PCLO: variants seen among roughly 807,000 people sequenced by gnomAD.
PCLO encodes protein piccolo.
Under a neutral mutation model 427.5 loss-of-function variants are expected in PCLO, and 82 were observed. The observed-to-expected ratio is 0.19, with a 90% confidence interval of 0.16 to 0.23. The LOEUF (loss-of-function observed/expected upper bound fraction) is 0.23, where lower values mean the gene tolerates loss of function less well. Ranked by LOEUF, PCLO falls within the 10% of genes least tolerant of loss-of-function variation. The pLI is 1.00. For synonymous variants in PCLO, 2,357 were observed against 2,155.4 expected, an observed-to-expected ratio of 1.09 and a Z score of -2.59; for missense variants, 6,239 against 6,115.9, an observed-to-expected ratio of 1.02 and a Z score of -0.67.
intron 3 of PCLO, among the ~76,000 whole-genome samples, chr7:83,035,887 A>C (rs573067745): frequency 6.6e-6 from 1 of 152,154 alleles, no homozygotes; most frequent in Non-Finnish European, 1.5e-5. Context: ...CCCCGTTTTT[A>C]TTACACTACA....
chr7:82,812,966 T>C (rs1394739448), intron 20 of PCLO, among the ~76,000 whole-genome samples: 1 of 151,560 alleles, frequency 6.6e-6, no homozygotes, highest in South Asian at 2.1e-4. Context: ...CAGGTTTGTT[T>C]GAGTAAAAAG....
chr7:82,974,868 T>A (rs1463354300), intron 3 of PCLO, among the ~76,000 whole-genome samples: 2 of 152,038 alleles, frequency 1.3e-5, no homozygotes, highest in Admixed American at 1.3e-4. Flanking sequence ...AAGCTCCATC[T>A]CACGGGTTCA....
chr7:83,118,310 C>G (rs972531274), intron 3 of PCLO, among the ~76,000 whole-genome samples: 1 of 152,072 alleles, frequency 6.6e-6, no homozygotes, highest in Non-Finnish European at 1.5e-5. Context: ...AAGAACCCTC[C>G]GGCGATCATC....
At chr7:82,986,628 T>C (rs1373555284) in intron 3 of PCLO, among the ~76,000 whole-genome samples, 1 of 152,120 alleles carries the variant, frequency 6.6e-6, no homozygotes, top group Admixed American at 6.6e-5. Flanking sequence ...CACAAGATGC[T>C]GAATAAATTC....
intron 10 of PCLO, 73 bp from the exon 11 acceptor site, chr7:82,847,320 A>G: frequency 1.3e-6 from 1 of 778,138 alleles, no homozygotes; most frequent in South Asian, 1.6e-5. Context: ...CATTGAAGAC[A>G]TTTATTTGCA....
At chr7:83,094,796 T>G (rs1790490980) in intron 3 of PCLO, among the ~76,000 whole-genome samples, 1 of 152,188 alleles carries the variant, frequency 6.6e-6, no homozygotes, top group Non-Finnish European at 1.5e-5. Context: ...CATGTTTAGT[T>G]TTTTTAAGAA....
chr7:82,938,744 T>G (rs1795013271), intron 6 of PCLO, among the ~76,000 whole-genome samples: 1 of 152,046 alleles, frequency 6.6e-6, no homozygotes, highest in Non-Finnish European at 1.5e-5. Context: ...AACTTTTATA[T>G]GGTGCTGTTG....
intron 3 of PCLO, among the ~76,000 whole-genome samples, chr7:83,036,575 A>G (rs966896067): frequency 6.6e-6 from 1 of 152,060 alleles, no homozygotes; most frequent in East Asian, 1.9e-4. Flanking sequence ...AATATAACCT[A>G]TAGATGCAAA....
chr7:83,025,787 G>A (rs1788478747), intron 3 of PCLO, among the ~76,000 whole-genome samples: 3 of 152,058 alleles, frequency 2.0e-5, no homozygotes, highest in African/African-American at 7.2e-5. Flanking sequence ...AGAAGAGAGT[G>A]GGGGCCAATA....
rs1230006759 is a variant in PCLO, at chr7:83,114,513, G to A, written c.3300+19737C>T. Among the ~76,000 whole-genome samples the A allele has an allele frequency of 2.0e-5, 3 of 152,014 alleles. No individual in the cohort carries two copies. The South Asian group carries it at 6.2e-4, about 32-fold the overall frequency. The stretch of plus-strand genomic sequence containing the variant: ...AAGATTCAATAGAACATGATAAATA[G>A]GGAGACTGCACAAATCATCAGACAT... On this transcript the variant is annotated intron_variant, in intron 3 of 24. Transcript: ENST00000333891.
intron 3 of PCLO, among the ~76,000 whole-genome samples, chr7:83,049,928 T>C (rs1054351836): frequency 7.9e-5 from 12 of 151,976 alleles, no homozygotes; most frequent in African/African-American, 2.9e-4. Flanking sequence ...TTATTATGAA[T>C]AAATGGTACA....
intron 6 of PCLO, among the ~76,000 whole-genome samples, chr7:82,941,651 T>C (rs939107345): frequency 6.6e-6 from 1 of 152,226 alleles, no homozygotes; most frequent in African/African-American, 2.4e-5. Context: ...TTTTAATGTA[T>C]ATATGTATAT....
chr7:83,159,084 C>T (rs1377470239), intron 1 of PCLO, among the ~76,000 whole-genome samples: 3 of 152,010 alleles, frequency 2.0e-5, no homozygotes, highest in African/African-American at 2.4e-5. Flanking sequence ...CCAAGTCTGG[C>T]AACTAGTAGA....
intron 3 of PCLO, among the ~76,000 whole-genome samples, chr7:83,096,962 AT>A (rs1790581813): frequency 3.6e-5 from 1 of 27,892 alleles, no homozygotes; most frequent in African/African-American, 2.4e-4. Flanking sequence ...AAATAATATA[AT>A]ATAATATATT....
intron 1 of PCLO, among the ~76,000 whole-genome samples, chr7:83,160,474 TTTA>T (rs1792406735): frequency 6.6e-6 from 1 of 152,102 alleles, no homozygotes; most frequent in African/African-American, 2.4e-5. Context: ...GAAAATAACT[TTTA>T]AAAAGTTATG....
chr7:83,024,891 G>A (rs898850235), intron 3 of PCLO, among the ~76,000 whole-genome samples: 1 of 152,074 alleles, frequency 6.6e-6, no homozygotes, highest in Non-Finnish European at 1.5e-5. Context: ...GCAGCTGAGG[G>A]TCCTGTCTGT....
At chr7:82,829,379 G>C (rs1341363480) in intron 16 of PCLO, among the ~76,000 whole-genome samples, 1 of 152,092 alleles carries the variant, frequency 6.6e-6, no homozygotes, top group Admixed American at 6.6e-5. Context: ...TTGAGTATTA[G>C]GATTTTTGAA....
At chr7:82,820,991 C>T in intron 20 of PCLO, 1 of 1,225,520 alleles carries the variant, frequency 8.2e-7, no homozygotes, top group Non-Finnish European at 1.0e-6. Flanking sequence ...GCCATGCCCA[C>T]AAAAGCACAT....
intron 13 of PCLO, among the ~76,000 whole-genome samples, chr7:82,841,887 A>C (rs763655794): frequency 4.6e-5 from 7 of 152,142 alleles, no homozygotes; most frequent in Non-Finnish European, 8.8e-5. Flanking sequence ...GTTTAATACA[A>C]GAACTGCCGA....
Sources: gnomAD v4.1 joint callset for allele counts (sites outside exome capture counted in the v4.1 genomes callset) on GRCh38, gnomAD v4.1.1 for gene constraint, MANE v1.5 for transcripts, NCBI Gene and HGNC (gene_info 2026-07-23, HGNC 2026-07-21) for gene names.